The following COL14A1 variants were observed in gnomAD, a reference collection of about 807,000 sequenced individuals.
The protein encoded by COL14A1 is collagen type XIV alpha 1 chain.
COL14A1 carries 136 observed loss-of-function variants against 230.3 expected under a neutral mutation model. That is an observed-to-expected ratio of 0.59 (90% CI 0.51 to 0.68). COL14A1 has a LOEUF of 0.68. COL14A1 is among the 30% of genes least tolerant of loss of function. The pLI, the probability that COL14A1 is intolerant of heterozygous loss-of-function variation, is 0.00. For missense variants in COL14A1, 1,976 were observed against 2,215.8 expected (o/e 0.89, Z 2.17); for synonymous variants, 792 against 784.1 (o/e 1.01, Z -0.17).
intron 35 of COL14A1, among the ~76,000 whole-genome samples, chr8:120,299,418 G>A (rs1820642342): frequency 6.6e-6 from 1 of 152,080 alleles, no homozygotes; most frequent in Non-Finnish European, 1.5e-5. Flanking sequence ...AGGTAGATGG[G>A]AAACTGGCAG....
intron 25 of COL14A1, 113 bp downstream of exon 25, chr8:120,266,996 A>G (rs947611573): frequency 1.1e-5 from 10 of 900,160 alleles, no homozygotes; most frequent in Non-Finnish European, 1.8e-5. Context: ...TGTGCTACCT[A>G]ATTTTCTCCT....
chr8:120,258,551 T>C (rs777197261), intron 23 of COL14A1, among the ~76,000 whole-genome samples: 4 of 151,918 alleles, frequency 2.6e-5, no homozygotes, highest in Non-Finnish European at 5.9e-5. Context: ...GAGGAATGGA[T>C]GCAAAGAAAG....
At chr8:120,198,598 T>G (rs1426915947) in intron 7 of COL14A1, among the ~76,000 whole-genome samples, 2 of 152,166 alleles carry the variant, frequency 1.3e-5, no homozygotes, top group Non-Finnish European at 2.9e-5. Flanking sequence ...GCATTTCAGG[T>G]TTTGAATTTT....
chr8:120,236,594 A>T (rs1309706518), intron 19 of COL14A1, among the ~76,000 whole-genome samples: 2 of 152,116 alleles, frequency 1.3e-5, no homozygotes, highest in Admixed American at 1.3e-4. Context: ...GTGTCTTTTA[A>T]TTGGGGCATT....
chr8:120,225,125 G>A lies in COL14A1; in HGVS notation c.1775G>A (p.Gly592Asp), dbSNP rs972452915. The change falls in exon 15 of 48, where the codon GGC becomes GAC. Residue 592 changes from glycine to aspartate, a missense_variant. Gly to Asp is a moderately conservative substitution (Grantham distance 94). Transcript: ENST00000297848. ...VDPITTFPLK[G>D]LTPLTEYTIA... ...CCTATTACTACCTTCCCTCTGAAGG[G>A]CTTGACACCTCTCACAGAGTATACT... The A allele has an allele frequency of 6.2e-7, 1 of 1,612,344 alleles. No individual in the cohort carries two copies. Among genetic ancestry groups the A allele is most frequent in the Non-Finnish European group, 8.5e-7 (1 of 1,179,576 alleles).
intron 5 of COL14A1, among the ~76,000 whole-genome samples, chr8:120,192,629 C>T (rs965349472): frequency 6.6e-6 from 1 of 152,206 alleles, no homozygotes; most frequent in Admixed American, 6.5e-5. Context: ...TGGATAATAT[C>T]TTGCAGAGTG....
chr8:120,157,637 T>G (rs1279601941), intron 2 of COL14A1, among the ~76,000 whole-genome samples: 16 of 152,144 alleles, frequency 1.1e-4, no homozygotes, highest in Admixed American at 9.8e-4. Flanking sequence ...ACAAATGCCT[T>G]TAGTTTTGTG....
intron 5 of COL14A1, among the ~76,000 whole-genome samples, chr8:120,182,169 A>C (rs956870007): frequency 1.3e-5 from 2 of 152,236 alleles, no homozygotes; most frequent in African/African-American, 4.8e-5. Flanking sequence ...ACTCTGTCTG[A>C]AATAAGTTTT....
rs1175898496 is a variant in COL14A1 at position 120,372,280 on chromosome 8, A to C, written c.*1049A>C. On this transcript the variant is annotated 3_prime_UTR_variant, in exon 48 of 48. Transcript: ENST00000297848. ...ATTTATAATCTAGCAGGCAGCAAAG[A>C]CCCTGCAAATGCATGACCTCTGCTA... 6.6e-6 allele frequency among the ~76,000 whole-genome samples: 1 copy of C among 152,210 alleles called. No homozygotes were observed. The highest frequency in any genetic ancestry group is 1.5e-5 in the Non-Finnish European group (1 of 68,032).
intron 1 of COL14A1, among the ~76,000 whole-genome samples, chr8:120,133,400 G>C (rs1218026535): frequency 1.3e-5 from 2 of 151,964 alleles, no homozygotes; most frequent in African/African-American, 4.8e-5. Flanking sequence ...TTATTGATAT[G>C]AATAGCATAT....
At chr8:120,140,559 T>C (rs1245190557) in intron 1 of COL14A1, among the ~76,000 whole-genome samples, 1 of 152,192 alleles carries the variant, frequency 6.6e-6, no homozygotes, top group African/African-American at 2.4e-5. Context: ...CATTTAAGTT[T>C]ATGGTTTATT....
At chr8:120,216,243 T>G in intron 13 of COL14A1, 108 bp from the exon 14 acceptor site, 1 of 817,478 alleles carries the variant, frequency 1.2e-6, no homozygotes, top group East Asian at 2.7e-5. Flanking sequence ...AGTTATTATC[T>G]AGGTGACACT....
chr8:120,344,467 G>A (rs1163083822), intron 44 of COL14A1, among the ~76,000 whole-genome samples: 2 of 152,188 alleles, frequency 1.3e-5, no homozygotes, highest in South Asian at 4.1e-4. Flanking sequence ...CATGTCAAAG[G>A]CAGAAACTGA....
At chr8:120,345,605 G>C in intron 45 of COL14A1, 42 bp downstream of exon 45, 1 of 1,453,914 alleles carries the variant, frequency 6.9e-7, no homozygotes, top group Non-Finnish European at 9.1e-7. Flanking sequence ...CTCTGAGTTG[G>C]GTGCAGGGAA....
intron 33 of COL14A1, among the ~76,000 whole-genome samples, chr8:120,286,271 C>A (rs981234978): frequency 6.6e-6 from 1 of 151,938 alleles, no homozygotes; most frequent in East Asian, 1.9e-4. Context: ...TCATTTGCTA[C>A]ATTAGGTGCG....
At chr8:120,308,853 T>C (rs1586850749) in intron 36 of COL14A1, among the ~76,000 whole-genome samples, 1 of 152,362 alleles carries the variant, frequency 6.6e-6, no homozygotes, top group East Asian at 1.9e-4. Context: ...TTCTGTCTAG[T>C]GCCCACATGG....
intron 1 of COL14A1, among the ~76,000 whole-genome samples, chr8:120,133,358 G>T (rs1486106545): frequency 6.6e-6 from 1 of 151,374 alleles, no homozygotes; most frequent in African/African-American, 2.4e-5. Context: ...AAAAAGAAAA[G>T]CTACAGATTA....
At chr8:120,342,531 A>G in intron 44 of COL14A1, 85 bp downstream of exon 44, 2 of 1,287,852 alleles carry the variant, frequency 1.6e-6, no homozygotes. Context: ...GCGTACCACT[A>G]AGGAAAACTC....
chr8:120,346,297 G>A (rs748080867), intron 45 of COL14A1, among the ~76,000 whole-genome samples: 9 of 152,106 alleles, frequency 5.9e-5, no homozygotes, highest in Non-Finnish European at 1.2e-4. Context: ...ATCTATAGTC[G>A]ACTAAGATAT....
Sources: gnomAD v4.1 joint callset for allele counts (sites outside exome capture counted in the v4.1 genomes callset) on GRCh38, gnomAD v4.1.1 for gene constraint, MANE v1.5 for transcripts, NCBI Gene and HGNC (gene_info 2026-07-23, HGNC 2026-07-21) for gene names.